KAZN: variants seen among roughly 807,000 people sequenced by gnomAD.
The protein encoded by KAZN is kazrin.
In KAZN, 40 loss-of-function variants were observed where a neutral mutation model predicts 87.4. The ratio of observed to expected loss-of-function variants is 0.46; its 90% CI spans 0.36 to 0.60. The LOEUF is 0.60. Ranked by LOEUF, KAZN falls within the 20% of genes least tolerant of loss-of-function variation. The pLI is 0.00. For missense variants in KAZN, 898 were observed against 1,073.9 expected, an observed-to-expected ratio of 0.84 and a Z score of 2.29; for synonymous variants, 466 against 458.3, an observed-to-expected ratio of 1.02 and a Z score of -0.22.
chr1:13,937,508 A>G (rs981177874), intron 1 of KAZN, among the ~76,000 whole-genome samples: 1 of 152,176 alleles, frequency 6.6e-6, no homozygotes, highest in African/African-American at 2.4e-5. Context: ...TTCTTTTGCT[A>G]TGCAGAAGCT....
intron 8 of KAZN, among the ~76,000 whole-genome samples, chr1:15,078,562 G>T (rs1459275350): frequency 6.6e-6 from 1 of 152,190 alleles, no homozygotes; most frequent in Non-Finnish European, 1.5e-5. Flanking sequence ...AAGGGCTGGA[G>T]GGAGGCAGAC....
chr1:14,775,931 A>G (rs925843015), intron 1 of KAZN, among the ~76,000 whole-genome samples: 3 of 152,216 alleles, frequency 2.0e-5, no homozygotes, highest in African/African-American at 7.2e-5. Flanking sequence ...TCTCTTCCAC[A>G]TGGAACCACC....
At chr1:14,126,551 G>T (rs1304281629) in intron 1 of KAZN, among the ~76,000 whole-genome samples, 1 of 151,822 alleles carries the variant, frequency 6.6e-6, no homozygotes, top group Non-Finnish European at 1.5e-5. Context: ...TTTAGCAAAG[G>T]TCTCATTTGA....
chr1:14,858,160 G>GCAT (rs1023480261), intron 1 of KAZN, among the ~76,000 whole-genome samples: 1 of 149,234 alleles, frequency 6.7e-6, no homozygotes, highest in African/African-American at 2.5e-5. Flanking sequence ...GAATAATATT[G>GCAT]CATGATATGG....
intron 2 of KAZN, among the ~76,000 whole-genome samples, chr1:15,015,780 G>A (rs1198900684): frequency 2.0e-5 from 3 of 152,200 alleles, no homozygotes; most frequent in Non-Finnish European, 2.9e-5. Flanking sequence ...TGGACCCATT[G>A]CCTCGTCTTT....
chr1:14,952,574 T>C (rs1662626262), intron 1 of KAZN, among the ~76,000 whole-genome samples: 1 of 152,076 alleles, frequency 6.6e-6, no homozygotes, highest in African/African-American at 2.4e-5. Flanking sequence ...TGAGTTTTGA[T>C]ATTTGGGCGT....
chr1:14,716,471 C>T lies in KAZN; in HGVS notation c.226+117248C>T, dbSNP rs1408937312. Among the ~76,000 whole-genome samples, 3 of 152,120 alleles carry T rather than the reference C, an allele frequency of 2.0e-5. No homozygotes were observed. In the East Asian group the frequency reaches 5.8e-4, roughly 29 times the overall value. ...TTTTTCACATCTGTCTGTTTCATTC[C>T]GTTCCCACTGCCGCCCAGAAATCAG... On this transcript the variant is annotated intron_variant, in intron 1 of 14. Coordinates refer to ENST00000376030, the MANE Select transcript of KAZN (RefSeq NM_201628.3).
chr1:14,874,490 A>G (rs1363243433), intron 1 of KAZN, among the ~76,000 whole-genome samples: 1 of 151,342 alleles, frequency 6.6e-6, no homozygotes, highest in East Asian at 2.0e-4. Context: ...GGATGGATGG[A>G]TGGATGGATG....
At chr1:14,187,449 C>CCT (rs1646332412) in intron 2 of KAZN, among the ~76,000 whole-genome samples, 1 of 152,152 alleles carries the variant, frequency 6.6e-6, no homozygotes, top group African/African-American at 2.4e-5. Context: ...CAGCCCCCTA[C>CCT]CTCACATATC....
At chr1:14,513,052 A>T (rs1671001816) in intron 2 of KAZN, among the ~76,000 whole-genome samples, 1 of 152,148 alleles carries the variant, frequency 6.6e-6, no homozygotes, top group Non-Finnish European at 1.5e-5. Context: ...CTTATAAAAG[A>T]TCTCTTTCTA....
chr1:14,349,316 C>G (rs1658345391), intron 2 of KAZN: 1 of 152,194 alleles, frequency 6.6e-6, no homozygotes. Flanking sequence ...CAGGGGATTT[C>G]AAGCCAGGAC....
chr1:15,002,778 C>T (rs1337129838), intron 2 of KAZN, among the ~76,000 whole-genome samples: 7 of 151,932 alleles, frequency 4.6e-5, no homozygotes, highest in Non-Finnish European at 1.0e-4. Context: ...GAGTTCGAGA[C>T]CAGCCTACCT....
intron 1 of KAZN, among the ~76,000 whole-genome samples, chr1:14,001,016 T>G (rs1248395577): frequency 6.6e-6 from 1 of 151,708 alleles, no homozygotes; most frequent in Non-Finnish European, 1.5e-5. Context: ...TCTCCTGACC[T>G]CGTGATCCGC....
intron 1 of KAZN, among the ~76,000 whole-genome samples, chr1:14,711,545 G>C (rs1305380402): frequency 6.6e-6 from 1 of 152,148 alleles, no homozygotes; most frequent in African/African-American, 2.4e-5. Context: ...GGTGGGACCT[G>C]TGATGTCACT....
At chr1:14,557,666 G>GT (rs1553188720) in intron 2 of KAZN, among the ~76,000 whole-genome samples, 52 of 108,092 alleles carry the variant, frequency 4.8e-4, no homozygotes, top group East Asian at 2.0e-3. Context: ...GTGTGTGTGT[G>GT]GTGTGTGAGA....
intron 1 of KAZN, among the ~76,000 whole-genome samples, chr1:14,774,522 G>A (rs1645120168): frequency 6.7e-6 from 1 of 149,354 alleles, no homozygotes; most frequent in African/African-American, 2.5e-5. Context: ...CCAGGCTGGA[G>A]TGCAGTGGTG....
At chr1:14,916,460 G>A (rs752805698) in intron 1 of KAZN, among the ~76,000 whole-genome samples, 1 of 152,144 alleles carries the variant, frequency 6.6e-6, no homozygotes, top group Non-Finnish European at 1.5e-5. Context: ...TTACAGGCGT[G>A]AGCCACCACA....
chr1:14,575,255 G>A (rs1675108877), intron 2 of KAZN, among the ~76,000 whole-genome samples: 1 of 152,082 alleles, frequency 6.6e-6, no homozygotes, highest in African/African-American at 2.4e-5. Context: ...TGCTGAGAAA[G>A]ACATACCTGA....
chr1:14,987,387 A>G (rs1243858401), intron 2 of KAZN, among the ~76,000 whole-genome samples: 1 of 152,100 alleles, frequency 6.6e-6, no homozygotes, highest in East Asian at 1.9e-4. Context: ...CCAGCTACTC[A>G]GGAGGCTGAG....
Sources: allele counts gnomAD v4.1 joint callset (sites outside exome capture counted in the v4.1 genomes callset), GRCh38; gene constraint gnomAD v4.1.1; transcripts MANE v1.5; gene names NCBI Gene and HGNC (gene_info 2026-07-23, HGNC 2026-07-21).